The following ARHGEF6 variants were observed in gnomAD, a reference collection of about 807,000 sequenced individuals.
ARHGEF6 encodes the protein rho guanine nucleotide exchange factor 6.
Under a neutral mutation model 70.3 loss-of-function variants are expected in ARHGEF6, and 9 were observed. The observed-to-expected ratio is 0.13, with a 90% CI of 0.08 to 0.22. The LOEUF (loss-of-function observed/expected upper bound fraction) is 0.22. Ranked by LOEUF, ARHGEF6 falls within the 10% of genes least tolerant of loss-of-function variation. The pLI, the probability that ARHGEF6 is intolerant of heterozygous loss-of-function variation, is 1.00. For synonymous variants in ARHGEF6, 201 were observed against 207.8 expected (o/e 0.97, Z 0.28); for missense variants, 470 against 563.0 (o/e 0.83, Z 1.67).
chrX:136,759,810 C>T (rs935091970), intron 2 of ARHGEF6, among the ~76,000 whole-genome samples: 1 of 111,883 alleles, frequency 8.9e-6, no homozygotes, highest in African/African-American at 3.2e-5. Flanking sequence ...TATTCACTCA[C>T]TCAATTGACA....
chrX:136,675,359 C>A (rs764091491), intron 18 of ARHGEF6, among the ~76,000 whole-genome samples: 1 of 108,611 alleles, frequency 9.2e-6, no homozygotes, highest in African/African-American at 3.4e-5. Flanking sequence ...GTGGGGGGGG[C>A]GGTGTTTTGT....
intron 9 of ARHGEF6, among the ~76,000 whole-genome samples, chrX:136,706,160 G>A (rs769572748): frequency 2.7e-5 from 3 of 111,850 alleles, no homozygotes; most frequent in African/African-American, 9.7e-5. Flanking sequence ...ATGTGTCAGG[G>A]GTGGGTAGTC....
At chrX:136,752,379 C>T (rs768081718) in intron 2 of ARHGEF6, among the ~76,000 whole-genome samples, 2 of 111,932 alleles carry the variant, frequency 1.8e-5, no homozygotes, top group East Asian at 5.6e-4. Flanking sequence ...ACCAGGTCTG[C>T]CTCGTGAGCC....
At chrX:136,776,990 C>T (rs1290830855) in intron 2 of ARHGEF6, among the ~76,000 whole-genome samples, 1 of 111,620 alleles carries the variant, frequency 9.0e-6, no homozygotes, top group Non-Finnish European at 1.9e-5. Flanking sequence ...TTTGGGAGAC[C>T]CAGGCGGGCG....
At chrX:136,734,841 A>G (rs1293269171) in intron 5 of ARHGEF6, among the ~76,000 whole-genome samples, 1 of 112,334 alleles carries the variant, frequency 8.9e-6, no homozygotes, top group East Asian at 2.8e-4. Context: ...AAATCCATTA[A>G]TGTAACCCAT....
At chrX:136,676,153 A>G (rs1373862825) in intron 18 of ARHGEF6, among the ~76,000 whole-genome samples, 1 of 112,235 alleles carries the variant, frequency 8.9e-6, no homozygotes, top group Non-Finnish European at 1.9e-5. Context: ...TGGCTGACTG[A>G]CTTTGCAGTC....
intron 2 of ARHGEF6, among the ~76,000 whole-genome samples, chrX:136,749,101 T>C (rs2148664706): frequency 8.9e-6 from 1 of 112,237 alleles, no homozygotes; most frequent in Non-Finnish European, 1.9e-5. Flanking sequence ...CTAATATTAC[T>C]AAAGAGTTAA....
Position 136,667,333 on chromosome X carries a change from A to C in ARHGEF6, c.*696T>G. On this transcript the variant is annotated 3_prime_UTR_variant, in exon 22 of 22. Transcript: ENST00000250617. ...GGTGACCAGAGCTTCTGCCCCCCTG[A>C]GTTACAATTTACATGACACAAAAGG... 1 of 112,343 alleles carries C rather than the reference A, an allele frequency of 8.9e-6. No homozygotes were observed. Among genetic ancestry groups the C allele is most frequent in the Non-Finnish European group, 1.9e-5 (1 of 53,288 alleles). 9.3% of individuals were successfully genotyped at this position (112,343 alleles called of 1,213,427 possible).
intron 16 of ARHGEF6, 142 bp downstream of exon 16, chrX:136,679,393 C>G (rs2076310704): frequency 1.3e-6 from 1 of 760,211 alleles, no homozygotes; most frequent in Admixed American, 2.7e-5. Flanking sequence ...AGAAATCAAA[C>G]AAATCACTGA....
At chrX:136,685,564 A>C in intron 12 of ARHGEF6, 113 bp downstream of exon 12, 1 of 890,836 alleles carries the variant, frequency 1.1e-6, no homozygotes, top group Non-Finnish European at 1.6e-6. Flanking sequence ...CCAAGATGGC[A>C]CCACTGCACT....
intron 6 of ARHGEF6, 23 bp from the exon 7 acceptor site, chrX:136,713,393 AT>A: frequency 9.0e-7 from 1 of 1,106,426 alleles, no homozygotes; most frequent in Non-Finnish European, 1.2e-6. Flanking sequence ...AAGTCAATGT[AT>A]TATAATCATC....
In ARHGEF6 at chrX:136,699,976, T is replaced by C. The variant is rs148840398; in HGVS notation, c.1046+6932A>G. 8.7e-4 allele frequency among the ~76,000 whole-genome samples: 97 copies of C among 111,133 alleles called. 1 individual carries two copies. Among genetic ancestry groups the C allele is most frequent in the African/African-American group, 3.1e-3 (95 of 30,577 alleles). On this transcript the variant is annotated intron_variant, in intron 9 of 21. Transcript: ENST00000250617. ...CTTATCTGACCTGAGGAAGGTACAA[T>C]AGGCCAGCTTCAGCCCTCTCTCATC...
chrX:136,675,267 T>C (rs774193214), intron 18 of ARHGEF6, among the ~76,000 whole-genome samples, 171 bp from the exon 19 acceptor site: 12 of 107,752 alleles, frequency 1.1e-4, no homozygotes, highest in African/African-American at 3.7e-4. Context: ...AGCATCCTCA[T>C]GGAGCTTTGG....
chrX:136,751,298 A>C (rs933805213), intron 2 of ARHGEF6, among the ~76,000 whole-genome samples: 3 of 112,187 alleles, frequency 2.7e-5, no homozygotes, highest in African/African-American at 9.7e-5. Context: ...ATAGCATTAC[A>C]AATAGAACCT....
chrX:136,694,520 C>A (rs2076491625), intron 9 of ARHGEF6, among the ~76,000 whole-genome samples: 1 of 111,638 alleles, frequency 9.0e-6, no homozygotes, highest in Non-Finnish European at 1.9e-5. Context: ...TTGCTGGCAA[C>A]CATGGTAAAC....
At chrX:136,742,275 C>T (rs946599734) in intron 5 of ARHGEF6, among the ~76,000 whole-genome samples, 2 of 111,350 alleles carry the variant, frequency 1.8e-5, no homozygotes, top group South Asian at 3.8e-4. Flanking sequence ...GCCGAGATTG[C>T]GCCACTGCAC....
chrX:136,733,749 G>C (rs1274937347), intron 5 of ARHGEF6, among the ~76,000 whole-genome samples: 2 of 112,424 alleles, frequency 1.8e-5, no homozygotes, highest in Non-Finnish European at 3.8e-5. Context: ...TAAGATTCAA[G>C]GAAGTGAAGT....
chrX:136,675,482 C>A (rs1402778676), intron 18 of ARHGEF6, among the ~76,000 whole-genome samples: 1 of 109,979 alleles, frequency 9.1e-6, no homozygotes, highest in Admixed American at 9.7e-5. Context: ...CTTTAGGAAG[C>A]TTTCCCTCAT....
Position 136,669,373 on chromosome X carries a change from TC to T in ARHGEF6, c.2190+108del, listed in dbSNP as rs1194495651. The T allele has an allele frequency of 5.0e-5, 34 of 684,774 alleles. No individual in the cohort carries two copies. In the African/African-American group the frequency reaches 7.3e-4, roughly 15 times the overall value. The allele number at this position is 684,774 out of a possible 1,213,427, so 56.4% of individuals were successfully genotyped here. A position where few individuals can be genotyped will look rare whatever the true frequency, so the allele number is the denominator to read the frequency against. ...CTTGATGACACAAGGAAAACAAAAA[TC>T]CCCCCTCGCTACCTTGCTCCTAGGC... On this transcript the variant is annotated intron_variant, in intron 21 of 21. Transcript: ENST00000250617.
Sources: gnomAD v4.1 joint callset for allele counts (sites outside exome capture counted in the v4.1 genomes callset) on GRCh38, gnomAD v4.1.1 for gene constraint, MANE v1.5 for transcripts, NCBI Gene and HGNC (gene_info 2026-07-23, HGNC 2026-07-21) for gene names.